PLCB1: variants seen among roughly 807,000 people sequenced by gnomAD.
PLCB1 encodes the protein phospholipase C beta 1.
In PLCB1, 46 loss-of-function variants were observed where a neutral mutation model predicts 161.8. The observed-to-expected ratio is 0.28, with a 90% confidence interval of 0.22 to 0.36. The LOEUF is 0.36. Among genes scored for constraint, PLCB1 ranks in the 10% least tolerant of loss-of-function variants. The probability of loss-of-function intolerance (pLI) is 1.00; values close to 1 mark genes in which losing one functional copy is unlikely to be tolerated. For synonymous variants in PLCB1, 517 were observed against 503.7 expected, an observed-to-expected ratio of 1.03 and a Z score of -0.35; for missense variants, 1,016 against 1,472.5, an observed-to-expected ratio of 0.69 and a Z score of 5.07.
At chr20:8,720,507 T>C (rs1323071487) in intron 14 of PLCB1, among the ~76,000 whole-genome samples, 1 of 152,208 alleles carries the variant, frequency 6.6e-6, no homozygotes, top group African/African-American at 2.4e-5. Flanking sequence ...GTATTGTATT[T>C]CAAAGCTAGT....
chr20:8,517,646 C>A (rs973755118), intron 3 of PLCB1, among the ~76,000 whole-genome samples: 2 of 152,182 alleles, frequency 1.3e-5, no homozygotes, highest in East Asian at 3.9e-4. Context: ...ATCCCCTGTA[C>A]GGCCTGTGTT....
chr20:8,407,698 G>C (rs1010279361), intron 3 of PLCB1, among the ~76,000 whole-genome samples: 5 of 152,060 alleles, frequency 3.3e-5, no homozygotes, highest in African/African-American at 1.2e-4. Flanking sequence ...ATTTGGGTGG[G>C]GACACAGCCA....
chr20:8,637,830 A>C (rs1988810472), intron 4 of PLCB1, among the ~76,000 whole-genome samples: 1 of 151,954 alleles, frequency 6.6e-6, no homozygotes, highest in African/African-American at 2.4e-5. Flanking sequence ...TTCAGAATCA[A>C]TTTATATGCA....
chr20:8,322,542 T>TA (rs11477588), intron 2 of PLCB1, among the ~76,000 whole-genome samples: 446 of 147,020 alleles, frequency 3.0e-3, no homozygotes, highest in Non-Finnish European at 4.9e-3. Flanking sequence ...CCCTTAAGGT[T>TA]AAAAAAAAAA....
intron 3 of PLCB1, among the ~76,000 whole-genome samples, chr20:8,619,335 C>G (rs1988116426): frequency 6.6e-6 from 1 of 151,800 alleles, no homozygotes; most frequent in Non-Finnish European, 1.5e-5. Flanking sequence ...AGGAGAATTG[C>G]TTGAATCCGG....
At chr20:8,565,041 T>G (rs11907873) in intron 3 of PLCB1, among the ~76,000 whole-genome samples, 121 of 152,308 alleles carry the variant, frequency 7.9e-4, no homozygotes, top group African/African-American at 2.8e-3. Flanking sequence ...TGCACATGTA[T>G]GTTTATTACG....
At chr20:8,692,759 A>G (rs957637339) in intron 10 of PLCB1, among the ~76,000 whole-genome samples, 2 of 152,152 alleles carry the variant, frequency 1.3e-5, no homozygotes, top group African/African-American at 2.4e-5. Context: ...CTGTGAACCA[A>G]GATCCACAAA....
intron 3 of PLCB1, among the ~76,000 whole-genome samples, chr20:8,404,777 T>G (rs1978713470): frequency 6.6e-6 from 1 of 152,182 alleles, no homozygotes; most frequent in African/African-American, 2.4e-5. Flanking sequence ...ATATAATCAG[T>G]ATTGAATCCA....
At chr20:8,310,279 C>A (rs1568626680) in intron 2 of PLCB1, among the ~76,000 whole-genome samples, 1 of 152,122 alleles carries the variant, frequency 6.6e-6, no homozygotes, top group Admixed American at 6.5e-5. Context: ...ATCATCTGAA[C>A]AAAAGCTGGA....
At chr20:8,593,438 CCTGA>C (rs1987218559) in intron 3 of PLCB1, among the ~76,000 whole-genome samples, 1 of 152,102 alleles carries the variant, frequency 6.6e-6, no homozygotes. Context: ...AAGCAATTCT[CCTGA>C]CTTAGTCTCT....
chr20:8,467,645 C>A (rs1397417120), intron 3 of PLCB1, among the ~76,000 whole-genome samples: 1 of 152,152 alleles, frequency 6.6e-6, no homozygotes, highest in Non-Finnish European at 1.5e-5. Context: ...TCCCTTTTCA[C>A]CAGATGTCCA....
At chr20:8,417,187 C>T (rs536747413) in intron 3 of PLCB1, among the ~76,000 whole-genome samples, 9 of 144,334 alleles carry the variant, frequency 6.2e-5, no homozygotes, top group South Asian at 4.5e-4. Context: ...CCCAGGTTCA[C>T]GCCATTCTTC....
chr20:8,519,578 G>A (rs988511002), intron 3 of PLCB1, among the ~76,000 whole-genome samples: 1 of 152,056 alleles, frequency 6.6e-6, no homozygotes, highest in Admixed American at 6.6e-5. Context: ...GAATATTTTT[G>A]TATAACTGCT....
At chr20:8,379,001 C>T (rs1442176010) in intron 3 of PLCB1, among the ~76,000 whole-genome samples, 2 of 152,120 alleles carry the variant, frequency 1.3e-5, no homozygotes, top group South Asian at 2.1e-4. Flanking sequence ...TTTAATTTCT[C>T]GGATACATGT....
At chr20:8,416,504 C>T (rs887278108) in intron 3 of PLCB1, among the ~76,000 whole-genome samples, 6 of 152,112 alleles carry the variant, frequency 3.9e-5, no homozygotes, top group African/African-American at 1.4e-4. Flanking sequence ...AAGGTATGCT[C>T]ACTAACATTA....
At chr20:8,418,635 T>C (rs968357927) in intron 3 of PLCB1, among the ~76,000 whole-genome samples, 1 of 152,104 alleles carries the variant, frequency 6.6e-6, no homozygotes, top group African/African-American at 2.4e-5. Flanking sequence ...TCAGAGATGA[T>C]CATTTGGGTT....
intron 2 of PLCB1, among the ~76,000 whole-genome samples, chr20:8,189,151 G>A (rs73895580): frequency 0.012 from 1,823 of 151,348 alleles, 32 homozygotes; most frequent in African/African-American, 0.04. Flanking sequence ...CTGTGTCTGT[G>A]CCAGACACAG....
chr20:8,298,655 T>C (rs1983751444), intron 2 of PLCB1, among the ~76,000 whole-genome samples: 1 of 152,102 alleles, frequency 6.6e-6, no homozygotes, highest in African/African-American at 2.4e-5. Context: ...CATCTGAATA[T>C]TTAAATCTTG....
At chr20:8,828,860 C>T (rs373266732) in intron 31 of PLCB1, among the ~76,000 whole-genome samples, 1 of 152,124 alleles carries the variant, frequency 6.6e-6, no homozygotes, top group Admixed American at 6.5e-5. Context: ...AGGGGACACC[C>T]AGGGAATTCC....
Sources: gnomAD v4.1 joint callset for allele counts (sites outside exome capture counted in the v4.1 genomes callset) on GRCh38, gnomAD v4.1.1 for gene constraint, MANE v1.5 for transcripts, NCBI Gene and HGNC (gene_info 2026-07-23, HGNC 2026-07-21) for gene names.